Variants in SLC4A4 observed in about 807,000 individuals in gnomAD.
SLC4A4 encodes the protein electrogenic sodium bicarbonate cotransporter 1.
A neutral mutation model predicts 111.5 loss-of-function variants in SLC4A4; 27 were observed. That is an observed-to-expected ratio of 0.24 (90% CI 0.18 to 0.33). The LOEUF (loss-of-function observed/expected upper bound fraction) is 0.33, where lower values mean the gene tolerates loss of function less well. Ranked by LOEUF, SLC4A4 falls within the 10% of genes least tolerant of loss-of-function variation. SLC4A4 has a pLI of 1.00. For missense variants in SLC4A4, 909 were observed against 1,315.5 expected (o/e 0.69, Z 4.78); for synonymous variants, 443 against 463.4 (o/e 0.96, Z 0.57).
chr4:71,494,331 A>G (rs895934332), intron 15 of SLC4A4, among the ~76,000 whole-genome samples: 2 of 151,984 alleles, frequency 1.3e-5, no homozygotes, highest in African/African-American at 4.8e-5. Context: ...TGTTTTCTTC[A>G]GAGACAGGAT....
intron 7 of SLC4A4, among the ~76,000 whole-genome samples, chr4:71,408,414 T>C (rs1338139726): frequency 6.6e-6 from 1 of 152,232 alleles, no homozygotes; most frequent in Non-Finnish European, 1.5e-5. Context: ...ATCATTGCCA[T>C]TTTCATTATT....
Position 71,220,843 on chromosome 4 carries a change from G to A in SLC4A4, c.-1-15733G>A, listed in dbSNP as rs375129080. Among the ~76,000 whole-genome samples the A allele has an allele frequency of 1.1e-3, 173 of 152,164 alleles. 1 individual carries two copies. The highest frequency in any genetic ancestry group is 4.0e-3 in the African/African-American group (165 of 41,490). On this transcript the variant is annotated intron_variant, in intron 1 of 25. Coordinates refer to ENST00000264485, the MANE Select transcript of SLC4A4 (RefSeq NM_001098484.3). Reference sequence around the variant, plus strand: ...GTATTAAGCCCAGTACCCAATAGTTGTCTTTTCTGCTCCTCTCCCTCCTTC... The same window carrying A: ...GTATTAAGCCCAGTACCCAATAGTTATCTTTTCTGCTCCTCTCCCTCCTTC...
chr4:71,250,930 T>C (rs972109630), intron 2 of SLC4A4, among the ~76,000 whole-genome samples: 1 of 152,164 alleles, frequency 6.6e-6, no homozygotes, highest in Non-Finnish European at 1.5e-5. Context: ...TTTTTGCACC[T>C]GTACAATGGG....
chr4:71,494,783 A>G (rs1210665446), intron 15 of SLC4A4, among the ~76,000 whole-genome samples: 1 of 152,066 alleles, frequency 6.6e-6, no homozygotes, highest in African/African-American at 2.4e-5. Context: ...AGGAGACAAC[A>G]GTGGCTTGAA....
At chr4:71,364,475 C>T (rs545384048) in intron 6 of SLC4A4, among the ~76,000 whole-genome samples, 1 of 152,254 alleles carries the variant, frequency 6.6e-6, no homozygotes, top group African/African-American at 2.4e-5. Context: ...ATTTATTGCT[C>T]ACAATTCTGG....
At chr4:71,108,727 T>A (rs1420414314) in intron 2 of SLC4A4, among the ~76,000 whole-genome samples, 2 of 152,168 alleles carry the variant, frequency 1.3e-5, no homozygotes, top group East Asian at 3.9e-4. Flanking sequence ...CAACTGTTCT[T>A]CCAACCCCTT....
intron 2 of SLC4A4, among the ~76,000 whole-genome samples, chr4:71,247,219 A>G (rs919653914): frequency 2.0e-5 from 3 of 148,156 alleles, no homozygotes; most frequent in Admixed American, 1.4e-4. Context: ...TTAAATATTT[A>G]CATCAATATT....
chr4:71,414,934 GAACA>G (rs1430493623), intron 7 of SLC4A4, among the ~76,000 whole-genome samples: 8 of 152,184 alleles, frequency 5.3e-5, no homozygotes, highest in Non-Finnish European at 1.2e-4. Context: ...TGTTTCTGCT[GAACA>G]TAGTCATTCA....
At chr4:71,295,708 G>A (rs1724735854) in intron 3 of SLC4A4, among the ~76,000 whole-genome samples, 1 of 151,440 alleles carries the variant, frequency 6.6e-6, no homozygotes, top group African/African-American at 2.4e-5. Context: ...ACCCAGGCTG[G>A]AGTGCAATGG....
intron 3 of SLC4A4, among the ~76,000 whole-genome samples, chr4:71,296,549 T>C (rs759180244): frequency 6.6e-6 from 1 of 152,232 alleles, no homozygotes; most frequent in Non-Finnish European, 1.5e-5. Flanking sequence ...GAACCATTGG[T>C]ACTTTTTTTA....
At chr4:71,530,266 T>C (rs1255817339) in intron 16 of SLC4A4, among the ~76,000 whole-genome samples, 2 of 152,150 alleles carry the variant, frequency 1.3e-5, no homozygotes, top group Non-Finnish European at 1.5e-5. Flanking sequence ...ATAATTAACT[T>C]ATATTAGGAG....
chr4:71,567,181 TC>T, intron 25 of SLC4A4, 98 bp downstream of exon 25: 1 of 939,972 alleles, frequency 1.1e-6, no homozygotes, highest in Non-Finnish European at 1.6e-6. Flanking sequence ...TTGTTCTCCT[TC>T]GTCTCTATTA....
intron 2 of SLC4A4, among the ~76,000 whole-genome samples, chr4:71,156,588 G>GCTCGCACACACACACACACACACACA (rs376043069): frequency 5.1e-5 from 7 of 138,572 alleles, no homozygotes; most frequent in African/African-American, 1.9e-4. Context: ...GCGCGCGCGC[G>GCTCGCACACACACACACACACACACA]CACACACACA....
At chr4:71,425,122 T>C (rs1009439836) in intron 7 of SLC4A4, among the ~76,000 whole-genome samples, 1 of 152,066 alleles carries the variant, frequency 6.6e-6, no homozygotes, top group African/African-American at 2.4e-5. Flanking sequence ...AATGGAATGT[T>C]GAGGTGTGTT....
At chr4:71,200,025 G>A (rs1444421242) in intron 1 of SLC4A4, among the ~76,000 whole-genome samples, 1 of 152,198 alleles carries the variant, frequency 6.6e-6, no homozygotes, top group African/African-American at 2.4e-5. Flanking sequence ...TGCTACTTGA[G>A]TTGACAGCTG....
intron 2 of SLC4A4, among the ~76,000 whole-genome samples, chr4:71,110,386 C>T (rs770446446): frequency 2.0e-5 from 3 of 151,744 alleles, no homozygotes; most frequent in African/African-American, 4.8e-5. Flanking sequence ...AGCTAATTTT[C>T]GTAGAGATGG....
At chr4:71,472,657 C>A (rs1283596022) in intron 13 of SLC4A4, 42 bp from the exon 14 acceptor site, 1 of 1,592,100 alleles carries the variant, frequency 6.3e-7, no homozygotes, top group Non-Finnish European at 8.6e-7. Flanking sequence ...TCTTTGTGTT[C>A]CAAGGAGGAG....
At chr4:71,304,414 AAC>A (rs139159452) in intron 3 of SLC4A4, among the ~76,000 whole-genome samples, 2,019 of 152,308 alleles carry the variant, frequency 0.013, 47 homozygotes, top group African/African-American at 0.046. Flanking sequence ...CCCCAGCTTA[AAC>A]ACAAAGGTGA....
chr4:71,183,984 C>T (rs1323405689), upstream of SLC4A4, among the ~76,000 whole-genome samples: 1 of 152,172 alleles, frequency 6.6e-6, no homozygotes, highest in Non-Finnish European at 1.5e-5. Flanking sequence ...ATATTTTTCA[C>T]CTTTTTTCCC....
Sources: gnomAD v4.1 joint callset for allele counts (sites outside exome capture counted in the v4.1 genomes callset) on GRCh38, gnomAD v4.1.1 for gene constraint, MANE v1.5 for transcripts, NCBI Gene and HGNC (gene_info 2026-07-23, HGNC 2026-07-21) for gene names.